Variants in RPAIN observed in about 807,000 individuals in gnomAD.
RPAIN encodes RPA interacting protein.
A neutral mutation model predicts 30.5 loss-of-function variants in RPAIN; 29 were observed. The observed-to-expected ratio is 0.95, with a 90% CI of 0.71 to 1.30. RPAIN has a LOEUF of 1.30. Among genes scored for constraint, RPAIN ranks in the 50% most tolerant of loss-of-function variants. The pLI is 0.00. For synonymous variants in RPAIN, 101 were observed against 93.5 expected (o/e 1.08, Z -0.46); for missense variants, 247 against 264.7 (o/e 0.93, Z 0.46).
chr17:5,432,466 T>C (rs1222500299), intron 6 of RPAIN, 76 bp from the exon 7 acceptor site: 26 of 1,379,466 alleles, frequency 1.9e-5, no homozygotes, highest in Admixed American at 6.7e-5. Flanking sequence ...AGAATTCTCA[T>C]TGATTACAAC....
chr17:5,428,852 G>A, intron 6 of RPAIN: 2 of 987,024 alleles, frequency 2.0e-6, no homozygotes, highest in Non-Finnish European at 2.4e-6. Context: ...TCCCAGGCAG[G>A]GGGAGCCTTG....
At chr17:5,426,639 ATTT>A (rs35657465) in intron 5 of RPAIN, 371 of 148,828 alleles carry the variant, frequency 2.5e-3, no homozygotes, top group East Asian at 9.8e-3. Context: ...AGCTTCAGTA[ATTT>A]TTTTTTTTTT....
Position 5,422,835 on chromosome 17 carries a change from C to A in RPAIN, c.313+6C>A, listed in dbSNP as rs769402382. 2.1e-5 allele frequency: 34 copies of A among 1,601,860 alleles called. No individual in the cohort carries two copies. In the South Asian group the frequency reaches 3.7e-4, roughly 17 times the overall value. On this transcript the variant is annotated splice_donor_region_variant and intron_variant, in intron 3 of 6. Transcript: ENST00000381209. ...ACAGGAGCTGATCAACCAAGGTAAC[C>A]CCTAGTGGTAGTCCTTCCTTACCTG...
intron 6 of RPAIN, chr17:5,429,745 C>T (rs1915727210): frequency 1.0e-6 from 1 of 985,500 alleles, no homozygotes. Context: ...GGCCTCTGTG[C>T]TGTTGTTTAG....
At chr17:5,428,725 A>G (rs1307648217) in intron 6 of RPAIN, 11 of 1,011,436 alleles carry the variant, frequency 1.1e-5, no homozygotes, top group Non-Finnish European at 1.3e-5. Flanking sequence ...TATAGGAACC[A>G]ATATCTCTTA....
At chr17:5,425,628 G>A (rs1290433139) in intron 3 of RPAIN, 8 of 361,940 alleles carry the variant, frequency 2.2e-5, no homozygotes, top group Non-Finnish European at 3.2e-5. Context: ...GAGTCACCGT[G>A]CCCGGCCAGC....
chr17:5,422,539 G>A (rs761362494), intron 2 of RPAIN, among the ~76,000 whole-genome samples: 6 of 152,122 alleles, frequency 3.9e-5, no homozygotes, highest in Non-Finnish European at 5.9e-5. Flanking sequence ...ACCCTATATC[G>A]TCTCTCCAAA....
chr17:5,423,758 T>G (rs1462412312), intron 3 of RPAIN, among the ~76,000 whole-genome samples: 5 of 151,948 alleles, frequency 3.3e-5, no homozygotes. Context: ...CCTTGTTTGG[T>G]TTTTGTTTTT....
Position 5,432,571 on chromosome 17 carries a change from G to C in RPAIN, c.660G>C (p.Ter220TyrextTer55). 1 of 1,613,912 alleles carries C rather than the reference G, an allele frequency of 6.2e-7. No homozygotes were observed. The highest frequency in any genetic ancestry group is 8.5e-7 in the Non-Finnish European group (1 of 1,179,800). ...GTGATACTTGGGCTGTGATCCTCTAGAGCCAGCTTGGACTCACATCATTCT... is the reference window on the plus strand; with the variant it reads ...GTGATACTTGGGCTGTGATCCTCTACAGCCAGCTTGGACTCACATCATTCT... ...LACDTWAVIL[*>Y] Residue 220 changes from the stop codon to tyrosine (Y), a stop_lost, in exon 7 of 7, where the codon TAG (stop) becomes TAC (tyrosine). Coordinates refer to ENST00000381209, the MANE Select transcript of RPAIN (RefSeq NM_001033002.4).
At chr17:5,428,571 G>A in intron 6 of RPAIN, 1 of 1,174,592 alleles carries the variant, frequency 8.5e-7, no homozygotes, top group Non-Finnish European at 1.1e-6. Flanking sequence ...AAACAGGGCA[G>A]AAGCATAGCA....
chr17:5,431,833 A>T lies in RPAIN; in HGVS notation c.631-709A>T, dbSNP rs146644590. The T allele has an allele frequency of 7.9e-4, 277 of 350,598 alleles. 4 individuals are homozygous for T. Among genetic ancestry groups the T allele is most frequent in the Middle Eastern group, 3.8e-3 (4 of 1,044 alleles). 21.7% of individuals were successfully genotyped at this position (350,598 alleles called of 1,614,324 possible). A position where few individuals can be genotyped will look rare whatever the true frequency, so the allele number is the denominator to read the frequency against. ...GTTACAGTGTCTTTTAGAGAAAGCC[A>T]AACATATTACCTGTGGAAGTGGTAA... On this transcript the variant is annotated intron_variant, in intron 6 of 6. Coordinates refer to ENST00000381209, the MANE Select transcript of RPAIN (RefSeq NM_001033002.4).
chr17:5,432,730 T>G lies in RPAIN; in HGVS notation c.*159T>G. 1.2e-6 allele frequency: 1 copy of G among 841,760 alleles called. No homozygotes were observed. The highest frequency in any genetic ancestry group is 2.9e-5 in the Admixed American group (1 of 34,270). 52.1% of individuals were successfully genotyped at this position (841,760 alleles called of 1,614,324 possible). The stretch of plus-strand genomic sequence containing the variant: ...CTTTTCCGACATCTGTTCTTGGTCT[T>G]TTGTGACGCAGGTTGAAGGGGGAGG... On this transcript the variant is annotated 3_prime_UTR_variant, in exon 7 of 7. Transcript: ENST00000381209.
intron 3 of RPAIN, 50 bp from the exon 4 acceptor site, chr17:5,425,921 C>G (rs1448811830): frequency 8.1e-7 from 1 of 1,233,048 alleles, no homozygotes. Flanking sequence ...GAATTAAATA[C>G]AGGGCCAGCT....
At chr17:5,429,617 T>G (rs1382191956) in intron 6 of RPAIN, 4 of 985,336 alleles carry the variant, frequency 4.1e-6, no homozygotes, top group Non-Finnish European at 4.8e-6. Flanking sequence ...GAAAGAGACA[T>G]AGCAGGTGAA....
At position 5,421,324 on chromosome 17, in the gene RPAIN, G is replaced by A. The variant is rs562693433; in HGVS notation, c.110G>A (p.Arg37Gln). The A allele has an allele frequency of 2.5e-6, 4 of 1,612,970 alleles. No individual in the cohort carries two copies. The highest frequency in any genetic ancestry group is 3.4e-6 in the Non-Finnish European group (4 of 1,179,606). The change falls in exon 2 of 7, where the codon CGG becomes CAG. Residue 37 changes from arginine (R) to glutamine (Q), a missense_variant. Transcript: ENST00000381209. ...TGCCTGGAGAGAATGAGAAACAGCC[G>A]GGACAGGCTCCTAAACAGGTACCGC... is the stretch of plus-strand genomic sequence containing the variant. Reference protein sequence around the residue: ...QRCLERMRNSRDRLLNRYRQA... With the variant: ...QRCLERMRNSQDRLLNRYRQA...
At chr17:5,420,935 C>T (rs1304578156) in intron 1 of RPAIN, among the ~76,000 whole-genome samples, 1 of 152,200 alleles carries the variant, frequency 6.6e-6, no homozygotes, top group African/African-American at 2.4e-5. Context: ...CAAAACCTCC[C>T]TGAGTTCAGA....
At chr17:5,429,263 G>T in intron 6 of RPAIN, 1 of 985,444 alleles carries the variant, frequency 1.0e-6, no homozygotes, top group Non-Finnish European at 1.2e-6. Flanking sequence ...TTGAAGCATG[G>T]AATCGATCTG....
intron 1 of RPAIN, 112 bp downstream of exon 1, chr17:5,420,403 C>A (rs964605678): frequency 2.4e-5 from 21 of 867,898 alleles, no homozygotes; most frequent in Non-Finnish European, 3.7e-5. Context: ...CGCGCCTGGT[C>A]TGGTCAAACC....
chr17:5,426,311 A>G lies in RPAIN; in HGVS notation c.489+12A>G. On this transcript the variant is annotated intron_variant, in intron 5 of 6. Coordinates refer to ENST00000381209, the MANE Select transcript of RPAIN (RefSeq NM_001033002.4). ...CCATCCCATCTCATGTGAGTGTTCCACACACAGATTTCATGATACTTCTTC... is the reference window on the plus strand; with the variant it reads ...CCATCCCATCTCATGTGAGTGTTCCGCACACAGATTTCATGATACTTCTTC... The G allele has an allele frequency of 6.2e-7, 1 of 1,609,418 alleles. No individual in the cohort carries two copies. Among genetic ancestry groups the G allele is most frequent in the South Asian group, 1.1e-5 (1 of 91,002 alleles).
Sources: gnomAD v4.1 joint callset for allele counts (sites outside exome capture counted in the v4.1 genomes callset) on GRCh38, gnomAD v4.1.1 for gene constraint, MANE v1.5 for transcripts, NCBI Gene and HGNC (gene_info 2026-07-23, HGNC 2026-07-21) for gene names.